The following GRID2 variants were observed in gnomAD, a reference collection of about 807,000 sequenced individuals.
GRID2 encodes the protein glutamate receptor ionotropic, delta-2.
A neutral mutation model predicts 114.8 loss-of-function variants in GRID2; 33 were observed. That is an observed-to-expected ratio of 0.29 (90% CI 0.22 to 0.38). The LOEUF (loss-of-function observed/expected upper bound fraction) is 0.38, where lower values mean the gene tolerates loss of function less well. Among genes scored for constraint, GRID2 ranks in the 10% least tolerant of loss-of-function variants. The pLI is 1.00. For synonymous variants in GRID2, 505 were observed against 449.9 expected (o/e 1.12, Z -1.55); for missense variants, 1,184 against 1,257.7 (o/e 0.94, Z 0.89).
intron 1 of GRID2, among the ~76,000 whole-genome samples, chr4:92,413,467 A>G (rs1731436483): frequency 6.6e-6 from 1 of 152,194 alleles, no homozygotes; most frequent in Non-Finnish European, 1.5e-5. Flanking sequence ...CCAGTTAACT[A>G]TCCAAGTCAG....
intron 6 of GRID2, 113 bp from the exon 7 acceptor site, chr4:93,224,501 G>A: frequency 1.6e-6 from 1 of 633,472 alleles, no homozygotes; most frequent in Non-Finnish European, 2.7e-6. Context: ...TAATAACCCA[G>A]TAAACCAGCC....
intron 2 of GRID2, among the ~76,000 whole-genome samples, chr4:92,692,285 C>A (rs555534718): frequency 6.6e-6 from 1 of 152,118 alleles, no homozygotes; most frequent in African/African-American, 2.4e-5. Context: ...ACAAGTACTA[C>A]ACTGTAGCAC....
At chr4:93,665,367 C>T (rs1204537601) in intron 14 of GRID2, among the ~76,000 whole-genome samples, 6 of 152,166 alleles carry the variant, frequency 3.9e-5, no homozygotes, top group Non-Finnish European at 1.5e-5. Flanking sequence ...CTAATTCATA[C>T]TCTCCTTCCT....
Position 93,387,746 on chromosome 4 carries a change from C to T in GRID2, c.1246-7861C>T, listed in dbSNP as rs1764461777. ...TCGGCAGGCTGAGGCAAGAGAATCG[C>T]TTGAACCTGGGAGGCCGAGGCCGAA... On this transcript the variant is annotated intron_variant, in intron 8 of 15. Coordinates refer to ENST00000282020, the MANE Select transcript of GRID2 (RefSeq NM_001510.4). Among the ~76,000 whole-genome samples, 4 of 150,358 alleles carry T rather than the reference C, an allele frequency of 2.7e-5. No individual in the cohort carries two copies. The Admixed American group carries it at 2.7e-4, about 10-fold the overall frequency.
intron 1 of GRID2, among the ~76,000 whole-genome samples, chr4:92,425,185 CATT>C (rs979583155): frequency 2.0e-5 from 3 of 151,916 alleles, no homozygotes; most frequent in Non-Finnish European, 4.4e-5. Context: ...ACATGAGTAT[CATT>C]ATTAAGTAGA....
chr4:93,259,085 T>A, intron 8 of GRID2: 1 of 333,220 alleles, frequency 3.0e-6, no homozygotes, highest in Non-Finnish European at 6.0e-6. Context: ...TTTTCCCTTT[T>A]GCTTTAAGTT....
chr4:92,459,628 A>T (rs569768635), intron 1 of GRID2, among the ~76,000 whole-genome samples: 1 of 152,228 alleles, frequency 6.6e-6, no homozygotes, highest in South Asian at 2.1e-4. Context: ...AAATGTGTAT[A>T]CATACATCTT....
intron 4 of GRID2, among the ~76,000 whole-genome samples, chr4:93,129,289 G>A (rs1372558076): frequency 6.6e-6 from 1 of 152,098 alleles, no homozygotes; most frequent in Non-Finnish European, 1.5e-5. Context: ...ATAATAATAA[G>A]AATAGGGTTA....
Position 93,418,451 on chromosome 4 carries a change from C to T in GRID2, c.1348-4320C>T, listed in dbSNP as rs1439036304. ...GTTCTTTTTCAACTGCGTAACAACA[C>T]TCCTTTGTAGTTTCCAGTTTCCTGC... is the stretch of plus-strand genomic sequence containing the variant. On this transcript the variant is annotated intron_variant, in intron 9 of 15. Transcript: ENST00000282020. Among the ~76,000 whole-genome samples, 4 of 152,060 alleles carry T rather than the reference C, an allele frequency of 2.6e-5. 1 individual carries two copies. The highest frequency in any genetic ancestry group is 9.7e-5 in the African/African-American group (4 of 41,442).
At chr4:93,022,500 AT>A (rs1451996389) in intron 2 of GRID2, among the ~76,000 whole-genome samples, 1 of 151,946 alleles carries the variant, frequency 6.6e-6, no homozygotes, top group Non-Finnish European at 1.5e-5. Flanking sequence ...AATGTTTTAG[AT>A]CATAAATCTT....
chr4:93,010,812 G>A (rs577127154), intron 2 of GRID2, among the ~76,000 whole-genome samples: 26 of 151,984 alleles, frequency 1.7e-4, no homozygotes, highest in Non-Finnish European at 2.9e-4. Flanking sequence ...CCTTATTTCT[G>A]AAAAACTTTC....
chr4:93,793,886 C>T (rs1036463528), intron 1 of GRID2, among the ~76,000 whole-genome samples: 9 of 151,972 alleles, frequency 5.9e-5, no homozygotes, highest in Non-Finnish European at 1.2e-4. Context: ...CCTTTAAAAT[C>T]AAAAAGGAAA....
chr4:93,150,714 A>G, intron 4 of GRID2, among the ~76,000 whole-genome samples: 1 of 151,960 alleles, frequency 6.6e-6, no homozygotes, highest in Non-Finnish European at 1.5e-5. Context: ...CCTATTTGAG[A>G]AATCCCTGCA....
At position 93,463,921 on chromosome 4, in the gene GRID2, G is replaced by A. The variant is rs543647851; in HGVS notation, c.1858+7947G>A. ...GGAGAATGGCGTGAACCTGGGAGGT[G>A]GAGCTTGCAGTGAGCCGAGATTGTG... is the stretch of plus-strand genomic sequence containing the variant. On this transcript the variant is annotated intron_variant, in intron 11 of 15. Coordinates refer to ENST00000282020, the MANE Select transcript of GRID2 (RefSeq NM_001510.4). Among the ~76,000 whole-genome samples, 1,238 of 152,178 alleles carry A rather than the reference G, an allele frequency of 8.1e-3. 9 individuals carry two copies. Among genetic ancestry groups the A allele is most frequent in the Middle Eastern group, 0.041 (12 of 294 alleles).
chr4:93,627,445 A>T (rs1742828334), intron 14 of GRID2, among the ~76,000 whole-genome samples: 1 of 152,190 alleles, frequency 6.6e-6, no homozygotes, highest in Non-Finnish European at 1.5e-5. Context: ...AACCATAAAA[A>T]TCTAAACCTC....
At chr4:93,191,271 G>GTTAAA in intron 4 of GRID2, among the ~76,000 whole-genome samples, 2 of 152,122 alleles carry the variant, frequency 1.3e-5, no homozygotes, top group East Asian at 3.9e-4. Flanking sequence ...ATGTAACCAT[G>GTTAAA]TTAAAGGATC....
intron 4 of GRID2, among the ~76,000 whole-genome samples, chr4:93,143,345 A>G (rs747054732): frequency 3.3e-5 from 5 of 152,212 alleles, no homozygotes; most frequent in South Asian, 2.1e-4. Context: ...AACAGTTTCC[A>G]TGAAAATCAA....
chr4:92,689,175 T>C (rs1225371685), intron 2 of GRID2, among the ~76,000 whole-genome samples: 1 of 152,184 alleles, frequency 6.6e-6, no homozygotes. Flanking sequence ...ATAGGCAAAA[T>C]AGATTTAGCA....
At chr4:92,452,625 C>A (rs1420704053) in intron 1 of GRID2, among the ~76,000 whole-genome samples, 2 of 151,734 alleles carry the variant, frequency 1.3e-5, no homozygotes, top group Non-Finnish European at 2.9e-5. Context: ...GGTGCCCGGC[C>A]CTCTTTAGGT....
Sources: gnomAD v4.1 joint callset for allele counts (sites outside exome capture counted in the v4.1 genomes callset) on GRCh38, gnomAD v4.1.1 for gene constraint, MANE v1.5 for transcripts, NCBI Gene and HGNC (gene_info 2026-07-23, HGNC 2026-07-21) for gene names.